Variants in TBC1D1 observed in about 807,000 individuals in gnomAD.
TBC1D1 encodes the protein TBC1 domain family member 1.
TBC1D1 carries 89 observed loss-of-function variants against 125.6 expected under a neutral mutation model. The observed-to-expected ratio is 0.71, with a 90% CI of 0.60 to 0.85. The LOEUF (loss-of-function observed/expected upper bound fraction) is 0.85, where lower values mean the gene tolerates loss of function less well. Among genes scored for constraint, TBC1D1 ranks in the 40% least tolerant of loss-of-function variants. The probability of loss-of-function intolerance (pLI) is 0.00; values close to 1 mark genes in which losing one functional copy is unlikely to be tolerated. For synonymous variants in TBC1D1, 565 were observed against 564.1 expected (o/e 1.00, Z -0.02); for missense variants, 1,377 against 1,469.2 (o/e 0.94, Z 1.03).
At chr4:38,016,911 G>A (rs1742855487) in intron 3 of TBC1D1, among the ~76,000 whole-genome samples, 1 of 152,238 alleles carries the variant, frequency 6.6e-6, no homozygotes, top group Admixed American at 6.5e-5. Context: ...GATACTTGGG[G>A]GAGGGCAAGA....
At chr4:38,040,826 C>T (rs926325428) in intron 8 of TBC1D1, among the ~76,000 whole-genome samples, 4 of 152,194 alleles carry the variant, frequency 2.6e-5, no homozygotes, top group African/African-American at 9.7e-5. Flanking sequence ...CTGTGCACCT[C>T]CCTGTGGCGC....
intron 15 of TBC1D1, among the ~76,000 whole-genome samples, chr4:38,113,834 G>A (rs746328308): frequency 6.6e-6 from 1 of 152,308 alleles, no homozygotes; most frequent in East Asian, 1.9e-4. Context: ...GGATTTCAAA[G>A]ACTTGGCATG....
At chr4:38,050,763 T>G (rs1750378293) in intron 11 of TBC1D1, among the ~76,000 whole-genome samples, 1 of 152,120 alleles carries the variant, frequency 6.6e-6, no homozygotes, top group South Asian at 2.1e-4. Flanking sequence ...ATTGAGAGTG[T>G]GAGTTAGTAC....
chr4:37,907,542 C>A (rs565626556), intron 2 of TBC1D1, among the ~76,000 whole-genome samples: 2 of 152,206 alleles, frequency 1.3e-5, no homozygotes, highest in African/African-American at 4.8e-5. Context: ...CATACATGCA[C>A]CATAGGTTAC....
chr4:38,055,251 G>T (rs1751491534), intron 12 of TBC1D1, among the ~76,000 whole-genome samples: 1 of 152,162 alleles, frequency 6.6e-6, no homozygotes, highest in Non-Finnish European at 1.5e-5. Context: ...GCCCTCTCCT[G>T]CCGTCCTCAT....
chr4:38,127,346 G>T (rs1764817871), intron 18 of TBC1D1, among the ~76,000 whole-genome samples: 1 of 151,768 alleles, frequency 6.6e-6, no homozygotes, highest in Non-Finnish European at 1.5e-5. Context: ...GCCGCTATCT[G>T]GCTATTTGGA....
At chr4:38,087,116 T>C (rs1215445038) in intron 12 of TBC1D1, among the ~76,000 whole-genome samples, 1 of 152,184 alleles carries the variant, frequency 6.6e-6, no homozygotes, top group East Asian at 1.9e-4. Context: ...AGAACCCATA[T>C]GGTAAAAGCT....
At chr4:37,904,118 A>G (rs1007569397) in intron 2 of TBC1D1, among the ~76,000 whole-genome samples, 1 of 152,220 alleles carries the variant, frequency 6.6e-6, no homozygotes, top group African/African-American at 2.4e-5. Context: ...TAATTACAGT[A>G]TTTATCCAAT....
chr4:38,054,435 C>G, intron 12 of TBC1D1, 97 bp downstream of exon 14: 1 of 1,509,768 alleles, frequency 6.6e-7, no homozygotes. Flanking sequence ...GCGCCGTCCT[C>G]TTCAGTATTG....
chr4:38,108,777 T>C (rs763206246), intron 15 of TBC1D1, among the ~76,000 whole-genome samples: 3 of 152,136 alleles, frequency 2.0e-5, no homozygotes, highest in Non-Finnish European at 4.4e-5. Flanking sequence ...AGGTAAGAAG[T>C]AGGAGAACAT....
chr4:38,047,211 T>TCCTTAGATGGA (rs1749659671), intron 10 of TBC1D1, among the ~76,000 whole-genome samples: 1 of 152,200 alleles, frequency 6.6e-6, no homozygotes, highest in Non-Finnish European at 1.5e-5. Context: ...GAGAAACACT[T>TCCTTAGATGGA]CCTTAGATGG....
rs77256837 is a variant in TBC1D1, at chr4:37,916,077, G to A, written c.417+13565G>A. The stretch of plus-strand genomic sequence containing the variant: ...TTCTTGGCATCCATCTTTTTATTCT[G>A]AAATGCTTTTTCTGATTATACAAGA... On this transcript the variant is annotated intron_variant, in intron 2 of 19. Transcript: ENST00000261439. Among the ~76,000 whole-genome samples, 249 of 152,192 alleles carry A rather than the reference G, an allele frequency of 1.6e-3. 2 individuals carry two copies. The highest frequency in any genetic ancestry group is 5.8e-3 in the African/African-American group (239 of 41,516).
chr4:37,944,747 G>T (rs975365940), intron 2 of TBC1D1, among the ~76,000 whole-genome samples: 1 of 152,174 alleles, frequency 6.6e-6, no homozygotes, highest in Non-Finnish European at 1.5e-5. Context: ...GCTTACCTTG[G>T]CTAGGAAAGG....
chr4:38,013,655 T>C (rs1035066714), intron 2 of TBC1D1, among the ~76,000 whole-genome samples: 8 of 152,228 alleles, frequency 5.3e-5, no homozygotes, highest in Non-Finnish European at 8.8e-5. Flanking sequence ...GATTCATCTT[T>C]ATGTCTATGC....
intron 8 of TBC1D1, among the ~76,000 whole-genome samples, chr4:38,036,805 T>G (rs374797835): frequency 6.6e-6 from 1 of 152,334 alleles, no homozygotes; most frequent in East Asian, 1.9e-4. Flanking sequence ...ATATGACCTG[T>G]GTTTTTTGGG....
chr4:38,059,100 C>T (rs1442130418), intron 12 of TBC1D1, among the ~76,000 whole-genome samples: 1 of 152,160 alleles, frequency 6.6e-6, no homozygotes, highest in Non-Finnish European at 1.5e-5. Flanking sequence ...AGAATCTGAA[C>T]TTTATATTTT....
intron 2 of TBC1D1, among the ~76,000 whole-genome samples, chr4:37,940,899 T>G (rs1409017528): frequency 6.6e-6 from 1 of 152,200 alleles, no homozygotes; most frequent in Non-Finnish European, 1.5e-5. Context: ...GGATAAGCTT[T>G]TTGATGTGCG....
chr4:38,137,551 C>A lies in TBC1D1; in HGVS notation c.*216C>A. 1 of 546,376 alleles carries A rather than the reference C, an allele frequency of 1.8e-6. No homozygotes were observed. Among genetic ancestry groups the A allele is most frequent in the South Asian group, 6.5e-5 (1 of 15,484 alleles). 33.8% of individuals were successfully genotyped at this position (546,376 alleles called of 1,614,324 possible). The stretch of plus-strand genomic sequence containing the variant: ...GTTTTTAGATACTAAATCGTCCCTT[C>A]TCCAGTCCTGATTACTGTACACAGT... On this transcript the variant is annotated 3_prime_UTR_variant, in exon 20 of 20. Transcript: ENST00000261439.
At chr4:37,946,786 A>G (rs1308764286) in intron 2 of TBC1D1, among the ~76,000 whole-genome samples, 1 of 152,188 alleles carries the variant, frequency 6.6e-6, no homozygotes, top group Non-Finnish European at 1.5e-5. Context: ...TTCTGCCTAC[A>G]TGCCATGAGA....
Sources: gnomAD v4.1 joint callset for allele counts (sites outside exome capture counted in the v4.1 genomes callset) on GRCh38, gnomAD v4.1.1 for gene constraint, MANE v1.5 for transcripts, NCBI Gene and HGNC (gene_info 2026-07-23, HGNC 2026-07-21) for gene names.